APC2: variants seen among roughly 807,000 people sequenced by gnomAD.
The protein encoded by APC2 is APC regulator of Wnt signaling pathway 2.
APC2 carries 41 observed loss-of-function variants against 72.5 expected under a neutral mutation model. The observed-to-expected ratio is 0.57, with a 90% CI of 0.44 to 0.73. APC2 has a LOEUF of 0.73. Among genes scored for constraint, APC2 ranks in the 30% least tolerant of loss-of-function variants. APC2 has a pLI of 0.00. For synonymous variants in APC2, 1,898 were observed against 1,612.0 expected, an observed-to-expected ratio of 1.18 and a Z score of -4.25; for missense variants, 3,729 against 3,403.4, an observed-to-expected ratio of 1.10 and a Z score of -2.38.
chr19:1,463,164 G>A, intron 14 of APC2, among the ~76,000 whole-genome samples: 1 of 151,422 alleles, frequency 6.6e-6, no homozygotes, highest in Non-Finnish European at 1.5e-5. Context: ...GCTCACACCT[G>A]TAATCCCACT....
chr19:1,464,534 C>A (rs530244467), intron 14 of APC2, among the ~76,000 whole-genome samples: 3 of 151,562 alleles, frequency 2.0e-5, no homozygotes, highest in East Asian at 3.9e-4. Flanking sequence ...CCAGGCTGTA[C>A]GACAGAGCGA....
rs2083898800 is a variant in APC2 at position 1,460,088 on chromosome 19, T to C, written c.1304-93T>C. ...GGAACTTGAGGGCAGGTCTGGGGCA[T>C]AGGGAGGGCCTCTGGGCAAGGGAGT... On this transcript the variant is annotated intron_variant, in intron 10 of 14. Transcript: ENST00000590469. 8 of 1,545,962 alleles carry C rather than the reference T, an allele frequency of 5.2e-6. No individual in the cohort carries two copies. The South Asian group carries it at 5.9e-5, about 11-fold the overall frequency.
rs2083858153 is a variant in APC2 at position 1,457,762 on chromosome 19, C to T, written c.1208-203C>T. The T allele has an allele frequency of 1.8e-5, 11 of 604,434 alleles. No individual in the cohort carries two copies. In the East Asian group the frequency reaches 2.8e-4, roughly 15 times the overall value. The allele number at this position is 604,434 out of a possible 1,614,324, so 37.4% of individuals were successfully genotyped here. A position where few individuals can be genotyped will look rare whatever the true frequency, so the allele number is the denominator to read the frequency against. On this transcript the variant is annotated intron_variant, in intron 9 of 14. Coordinates refer to ENST00000590469, the MANE Select transcript of APC2 (RefSeq NM_005883.3). ...AGGTGTGGTGCTCCAGGAACTACCTCGCCTCCCTTCCCAAGGCTGAGTGAG... is the reference window on the plus strand; with the variant it reads ...AGGTGTGGTGCTCCAGGAACTACCTTGCCTCCCTTCCCAAGGCTGAGTGAG...
Position 1,453,442 on chromosome 19 carries a change from G to A in APC2, c.244G>A (p.Asp82Asn). 1 of 1,601,892 alleles carries A rather than the reference G, an allele frequency of 6.2e-7. No individual in the cohort carries two copies. Among genetic ancestry groups the A allele is most frequent in the Non-Finnish European group, 8.5e-7 (1 of 1,172,128 alleles). ...VLEQLKALQM[D>N]ITSLYNLKFQ... ...CCCCGCCCATCCAGCCCTACAGATG[G>A]ACATCACCAGCCTGTACAACCTCAA... The change falls in exon 4 of 15, where the codon GAC becomes AAC. Residue 82 changes from aspartate (D) to asparagine (N), a missense_variant. Asp to Asn is a conservative substitution (Grantham distance 23, BLOSUM62 1). Coordinates refer to ENST00000590469, the MANE Select transcript of APC2 (RefSeq NM_005883.3).
Position 1,468,654 on chromosome 19 carries a change from C to T in APC2, c.5353C>T (p.Pro1785Ser). Residue 1785 changes from proline to serine, a missense_variant, in exon 15 of 15, where the codon CCA (proline) becomes TCA (serine). Physicochemically the swap from Pro to Ser is moderately conservative, Grantham distance 74. Transcript: ENST00000590469. ...RGTQKTTPGV[P>S]AVLRGRTVIY... The stretch of plus-strand genomic sequence containing the variant: ...CACACAGAAGACCACGCCCGGGGTG[C>T]CAGCTGTGCTCCGGGGACGAACAGT... The T allele has an allele frequency of 6.3e-7, 1 of 1,589,106 alleles. No individual in the cohort carries two copies. Among genetic ancestry groups the T allele is most frequent in the Non-Finnish European group, 8.6e-7 (1 of 1,166,294 alleles).
At position 1,458,020 on chromosome 19, in the gene APC2, G is replaced by C. The variant is rs1162716094; in HGVS notation, c.1263G>C (p.Leu421=). The change falls in exon 10 of 15, where the codon CTG becomes CTC. Residue 421 remains leucine, a synonymous_variant. Transcript: ENST00000590469. ...ICQATCAVMK[L]SFDEEYRRAM... The stretch of plus-strand genomic sequence containing the variant: ...AGGCCACCTGTGCTGTTATGAAGCT[G>C]TCCTTTGATGAGGAGTACCGCCGTG... The C allele has an allele frequency of 1.3e-6, 2 of 1,567,138 alleles. No individual in the cohort carries two copies. The highest frequency in any genetic ancestry group is 2.7e-5 in the African/African-American group (2 of 74,310).
chr19:1,456,075 G>A lies in APC2; in HGVS notation c.640-1G>A. The stretch of plus-strand genomic sequence containing the variant: ...ACTTGCCCTCGTGTGGTCCTGAGCA[G>A]ATCCGCGCCTCGCGCCTGGAGCAGA... On this transcript the variant is annotated splice_acceptor_variant, in intron 6 of 14. Coordinates refer to ENST00000590469, the MANE Select transcript of APC2 (RefSeq NM_005883.3). LOFTEE classifies it high-confidence loss of function. 6.4e-7 allele frequency: 1 copy of A among 1,569,198 alleles called. No homozygotes were observed. Among genetic ancestry groups the A allele is most frequent in the Non-Finnish European group, 8.6e-7 (1 of 1,160,982 alleles).
Position 1,468,623 on chromosome 19 carries a change from A to C in APC2, c.5322A>C (p.Pro1774=), listed in dbSNP as rs200610919. 461 of 1,601,712 alleles carry C rather than the reference A, an allele frequency of 2.9e-4. 2 individuals carry two copies. The East Asian group carries it at 9.2e-3, about 32-fold the overall frequency. Residue 1774 remains proline (P), a synonymous_variant, in exon 15 of 15, where the codon CCA becomes CCC. Coordinates refer to ENST00000590469, the MANE Select transcript of APC2 (RefSeq NM_005883.3). ...SPRSPAGPEK[P]RGTQKTTPGV... ...GTTCCCCTGCAGGCCCCGAGAAGCCACGTGGCACACAGAAGACCACGCCCG... is the reference window on the plus strand; with the variant it reads ...GTTCCCCTGCAGGCCCCGAGAAGCCCCGTGGCACACAGAAGACCACGCCCG...
At chr19:1,462,813 T>C (rs775101640) in intron 14 of APC2, among the ~76,000 whole-genome samples, 3 of 135,886 alleles carry the variant, frequency 2.2e-5, no homozygotes, top group Non-Finnish European at 3.1e-5. Flanking sequence ...CTACTAAAAA[T>C]ACAAAAAATT....
In APC2 at chr19:1,456,166, G is replaced by A. The variant is rs758654084; in HGVS notation, c.717+13G>A. 9 of 1,576,802 alleles carry A rather than the reference G, an allele frequency of 5.7e-6. No homozygotes were observed. Among genetic ancestry groups the A allele is most frequent in the Admixed American group, 3.7e-5 (2 of 54,754 alleles). The stretch of plus-strand genomic sequence containing the variant: ...GACGGAGCCCCAGGTACCGGGTGGG[G>A]CAGAGCCAGGGACCAGGGGTGGTGT... On this transcript the variant is annotated intron_variant, in intron 7 of 14. Coordinates refer to ENST00000590469, the MANE Select transcript of APC2 (RefSeq NM_005883.3).
chr19:1,446,623 A>G (rs962357296), upstream of APC2, among the ~76,000 whole-genome samples: 6 of 152,018 alleles, frequency 3.9e-5, no homozygotes, highest in African/African-American at 1.4e-4. The surrounding 1 kb of genome is among the most constrained non-coding windows in gnomAD (Gnocchi z 6.1). Context: ...CGGCCTCTGC[A>G]GGAGACCCTC....
rs979499942 is a variant in APC2, at chr19:1,468,170, G to A, written c.4869G>A (p.Arg1623=). The A allele has an allele frequency of 5.5e-6, 8 of 1,452,702 alleles. No homozygotes were observed. The highest frequency in any genetic ancestry group is 7.2e-6 in the Non-Finnish European group (8 of 1,111,796). 90.0% of individuals were successfully genotyped at this position (1,452,702 alleles called of 1,614,324 possible). ...GACGCGACAGCTCGCCCAGCCCGCG[G>A]GCCGCGGAGGAGCTTCTGCAGCGGT... ...GGGRDSSPSP[R]AAEELLQRCI... is the part of the protein sequence containing the mutation. The change falls in exon 15 of 15, where the codon CGG becomes CGA. Residue 1623 remains arginine (R), a synonymous_variant. Coordinates refer to ENST00000590469, the MANE Select transcript of APC2 (RefSeq NM_005883.3).
chr19:1,463,051 G>A (rs112931250), intron 14 of APC2, among the ~76,000 whole-genome samples: 451 of 151,740 alleles, frequency 3.0e-3, no homozygotes, highest in African/African-American at 0.01. Flanking sequence ...CGAGGTGGGC[G>A]GATCACCTGA....
rs560342885 is a variant in APC2 at position 1,460,954 on chromosome 19, G to A, written c.1522-83G>A. The stretch of plus-strand genomic sequence containing the variant: ...GTGGGCTGGCAGGGGTGTCCCGTCC[G>A]ACTCTCTGCAGACTCACATTTGCTG... On this transcript the variant is annotated intron_variant, in intron 12 of 14. Coordinates refer to ENST00000590469, the MANE Select transcript of APC2 (RefSeq NM_005883.3). 3.4e-5 allele frequency: 55 copies of A among 1,594,346 alleles called. 1 individual carries two copies. The highest frequency in any genetic ancestry group is 1.7e-4 in the Middle Eastern group (1 of 6,020).
At chr19:1,460,412 C>A (rs1463242823) in intron 11 of APC2, 92 bp downstream of exon 11, 12 of 1,565,908 alleles carry the variant, frequency 7.7e-6, no homozygotes, top group Non-Finnish European at 9.6e-6. Flanking sequence ...TCGAAACAGC[C>A]CTGAGAGCTG....
chr19:1,461,909 C>A (rs2083931775), intron 13 of APC2, 54 bp from the exon 14 acceptor site: 4 of 1,481,528 alleles, frequency 2.7e-6, no homozygotes, highest in Non-Finnish European at 3.7e-6. Context: ...GCGTGGGAGC[C>A]TTTCCTCCGG....
In APC2 at chr19:1,453,315, G is replaced by T; in HGVS notation, c.210G>T (p.Thr70=). 6.3e-7 allele frequency: 1 copy of T among 1,597,964 alleles called. No homozygotes were observed. Among genetic ancestry groups the T allele is most frequent in the African/African-American group, 1.3e-5 (1 of 74,894 alleles). Residue 70 remains threonine (T), a synonymous_variant, in exon 3 of 15, where the codon ACG becomes ACT. Coordinates refer to ENST00000590469, the MANE Select transcript of APC2 (RefSeq NM_005883.3). ...GAGTGCTGGTGTCCTCGGGGCAGAC[G>T]GAGGTGCTGGAGCAGCTGAAGGGTG... ...EARVLVSSGQ[T]EVLEQLKALQ...
upstream of APC2, chr19:1,446,380 G>A: frequency 2.0e-6 from 2 of 984,952 alleles, no homozygotes; most frequent in African/African-American, 1.7e-5. The surrounding 1 kb of genome is among the most constrained non-coding windows in gnomAD (Gnocchi z 6.1). Context: ...AGGGCTCCGG[G>A]CCGCGCAGGA....
Position 1,465,476 on chromosome 19 carries a change from G to C in APC2, c.2175G>C (p.Ala725=). ...GCCTGTACGTGCGCAAGCAGCGGGC[G>C]CTGGAGGCCGAGCTGGACGCACGGC... ...VPSLYVRKQR[A]LEAELDARHL... Residue 725 remains alanine, a synonymous_variant, in exon 15 of 15, where the codon GCG becomes GCC. Transcript: ENST00000590469. 6.5e-7 allele frequency: 1 copy of C among 1,529,050 alleles called. No individual in the cohort carries two copies. The highest frequency in any genetic ancestry group is 1.2e-5 in the South Asian group (1 of 83,452). 94.7% of individuals were successfully genotyped at this position (1,529,050 alleles called of 1,614,324 possible). A position where few individuals can be genotyped will look rare whatever the true frequency, so the allele number is the denominator to read the frequency against.
Sources: allele counts gnomAD v4.1 joint callset (sites outside exome capture counted in the v4.1 genomes callset), GRCh38; gene constraint gnomAD v4.1.1; non-coding constraint Gnocchi (gnomAD v3.1); transcripts MANE v1.5; gene names NCBI Gene and HGNC (gene_info 2026-07-23, HGNC 2026-07-21).